The following DLGAP2 variants were observed in gnomAD, a reference collection of about 807,000 sequenced individuals.
The protein encoded by DLGAP2 is DLG associated protein 2.
DLGAP2 carries 26 observed loss-of-function variants against 100.3 expected under a neutral mutation model. The ratio of observed to expected loss-of-function variants is 0.26; its 90% CI spans 0.19 to 0.36. The LOEUF (loss-of-function observed/expected upper bound fraction) is 0.36. Ranked by LOEUF, DLGAP2 falls within the 10% of genes least tolerant of loss-of-function variation. DLGAP2 has a pLI of 1.00. For synonymous variants in DLGAP2, 886 were observed against 630.1 expected (o/e 1.41, Z -6.08); for missense variants, 1,858 against 1,453.2 (o/e 1.28, Z -4.53).
At chr8:759,599 G>T (rs1441935986) in intron 1 of DLGAP2, among the ~76,000 whole-genome samples, 1 of 151,910 alleles carries the variant, frequency 6.6e-6, no homozygotes, top group Non-Finnish European at 1.5e-5. Context: ...GCTCCCCCCT[G>T]GGCTGCACGT....
intron 3 of DLGAP2, among the ~76,000 whole-genome samples, chr8:1,327,847 A>AAAAT (rs759082254): frequency 6.6e-6 from 1 of 152,148 alleles, no homozygotes; most frequent in Non-Finnish European, 1.5e-5. Flanking sequence ...CCGTCTCAAA[A>AAAAT]AAATAAATAA....
intron 6 of DLGAP2, among the ~76,000 whole-genome samples, chr8:1,567,020 G>A (rs555161185): frequency 2.9e-4 from 44 of 152,346 alleles, no homozygotes; most frequent in African/African-American, 1.0e-3. Context: ...GTGCCAGCTT[G>A]TGGGACGAGT....
chr8:1,686,579 C>G lies in DLGAP2; in HGVS notation c.2705-4956C>G, dbSNP rs541746901. On this transcript the variant is annotated intron_variant, in intron 12 of 14. Coordinates refer to ENST00000637795, the MANE Select transcript of DLGAP2 (RefSeq NM_001346810.2). ...ATCCCAGCTACTCAGGAGGCTGAGA[C>G]AGGAGAATCGCTTGAACCTGGGAGG... Among the ~76,000 whole-genome samples, 4 of 152,098 alleles carry G rather than the reference C, an allele frequency of 2.6e-5. No homozygotes were observed. In the East Asian group the frequency reaches 7.8e-4, roughly 30 times the overall value.
At chr8:1,154,864 C>G (rs181502713) in intron 2 of DLGAP2, among the ~76,000 whole-genome samples, 1 of 152,222 alleles carries the variant, frequency 6.6e-6, no homozygotes, top group South Asian at 2.1e-4. Flanking sequence ...CCGCTCTGCT[C>G]TTCCACCCTC....
At chr8:964,217 C>G (rs962277912) in intron 2 of DLGAP2, among the ~76,000 whole-genome samples, 9 of 152,146 alleles carry the variant, frequency 5.9e-5, no homozygotes, top group African/African-American at 1.2e-4. Flanking sequence ...AGGGATTCAC[C>G]TTAATTTGAA....
chr8:1,437,568 G>C (rs1288653060), intron 3 of DLGAP2, among the ~76,000 whole-genome samples: 4 of 152,170 alleles, frequency 2.6e-5, no homozygotes, highest in African/African-American at 9.7e-5. Flanking sequence ...TACACAGAAC[G>C]CTATCTGAGT....
chr8:821,695 C>T (rs1051517219), intron 1 of DLGAP2, among the ~76,000 whole-genome samples: 8 of 152,192 alleles, frequency 5.3e-5, no homozygotes, highest in Admixed American at 3.9e-4. Flanking sequence ...ACTAATTTCA[C>T]AGATAGCTAT....
chr8:1,535,403 G>T (rs1287369476), intron 4 of DLGAP2, among the ~76,000 whole-genome samples: 4 of 152,206 alleles, frequency 2.6e-5, no homozygotes, highest in African/African-American at 7.2e-5. Flanking sequence ...GCGCTTGCCT[G>T]GCCTCACCCC....
At chr8:1,235,148 G>A (rs111898321) in intron 2 of DLGAP2, among the ~76,000 whole-genome samples, 123 of 136,496 alleles carry the variant, frequency 9.0e-4, no homozygotes, top group African/African-American at 3.1e-3. Flanking sequence ...CACACGTGGC[G>A]TCGTGTCTAG....
intron 2 of DLGAP2, among the ~76,000 whole-genome samples, chr8:1,162,396 G>T (rs959225477): frequency 2.0e-5 from 3 of 152,200 alleles, no homozygotes; most frequent in African/African-American, 7.2e-5. Flanking sequence ...AGAAGAGAAA[G>T]AATATTGTTT....
intron 6 of DLGAP2, among the ~76,000 whole-genome samples, chr8:1,586,625 C>T (rs769012978): frequency 2.0e-5 from 3 of 152,174 alleles, no homozygotes; most frequent in Non-Finnish European, 4.4e-5. Context: ...GATGTGGCAC[C>T]AGCGTGGAAG....
chr8:1,259,182 T>C (rs1563047141), intron 3 of DLGAP2, among the ~76,000 whole-genome samples: 2 of 152,352 alleles, frequency 1.3e-5, no homozygotes, highest in East Asian at 3.9e-4. Flanking sequence ...TAACAGATGC[T>C]GATACAGGCT....
chr8:910,424 C>T (rs1017387069), intron 2 of DLGAP2: 3 of 152,190 alleles, frequency 2.0e-5, no homozygotes, highest in African/African-American at 4.8e-5. Flanking sequence ...CCGTTGGTTA[C>T]TTTCCCATAC....
intron 2 of DLGAP2, among the ~76,000 whole-genome samples, chr8:1,120,957 A>T (rs550899615): frequency 8.5e-6 from 1 of 118,292 alleles, no homozygotes; most frequent in African/African-American, 3.3e-5. Context: ...CCCTTTAGAA[A>T]CCCTGACCAC....
chr8:1,088,896 TC>T (rs1235528429), intron 2 of DLGAP2, among the ~76,000 whole-genome samples: 5 of 102,642 alleles, frequency 4.9e-5, no homozygotes, highest in South Asian at 4.2e-4. Context: ...CCGTTCTCGC[TC>T]CCCCCGCCTC....
intron 6 of DLGAP2, among the ~76,000 whole-genome samples, chr8:1,567,994 C>T (rs1802471165): frequency 6.6e-6 from 1 of 152,138 alleles, no homozygotes; most frequent in South Asian, 2.1e-4. Context: ...CAAATCCACT[C>T]TGCCCGTGGA....
chr8:881,027 A>AT (rs1391941208), intron 1 of DLGAP2, among the ~76,000 whole-genome samples: 1 of 152,246 alleles, frequency 6.6e-6, no homozygotes, highest in African/African-American at 2.4e-5. Context: ...TGGCTTATAT[A>AT]TAAGTGAGTA....
At chr8:745,506 T>C (rs1820595667) in intron 1 of DLGAP2, among the ~76,000 whole-genome samples, 1 of 152,360 alleles carries the variant, frequency 6.6e-6, no homozygotes, top group East Asian at 1.9e-4. Flanking sequence ...TCTAATGATA[T>C]TTTCTCAAGA....
intron 1 of DLGAP2, among the ~76,000 whole-genome samples, chr8:828,557 C>G (rs973811182): frequency 6.6e-6 from 1 of 152,168 alleles, no homozygotes; most frequent in African/African-American, 2.4e-5. Flanking sequence ...TCATATTGCT[C>G]AAACACACAT....
Sources: allele counts gnomAD v4.1 joint callset (sites outside exome capture counted in the v4.1 genomes callset), GRCh38; gene constraint gnomAD v4.1.1; transcripts MANE v1.5; gene names NCBI Gene and HGNC (gene_info 2026-07-23, HGNC 2026-07-21).